CSMD1: variants seen among roughly 807,000 people sequenced by gnomAD.
CSMD1 encodes the protein CUB and sushi domain-containing protein 1.
In CSMD1, 213 loss-of-function variants were observed where a neutral mutation model predicts 417.5. That is an observed-to-expected ratio of 0.51 (90% CI 0.46 to 0.57). The LOEUF (loss-of-function observed/expected upper bound fraction) is 0.57, where lower values mean the gene tolerates loss of function less well. Among genes scored for constraint, CSMD1 ranks in the 20% least tolerant of loss-of-function variants. The pLI, the probability that CSMD1 is intolerant of heterozygous loss-of-function variation, is 0.00. For missense variants in CSMD1, 6,923 were observed against 4,529.7 expected (o/e 1.53, Z -15.17); for synonymous variants, 2,862 against 1,736.8 (o/e 1.65, Z -16.11).
Position 4,744,552 on chromosome 8 carries a change from C to G in CSMD1, c.86-106994G>C, listed in dbSNP as rs147478124. ...TACCTGTCTATATTTAGAGTAGCTA[C>G]CTCAATGATTTACAATTCACACAAA... On this transcript the variant is annotated intron_variant, in intron 1 of 69. Transcript: ENST00000635120. 3.6e-3 allele frequency among the ~76,000 whole-genome samples: 541 copies of G among 152,264 alleles called. 5 individuals carry two copies. The highest frequency in any genetic ancestry group is 0.011 in the African/African-American group (468 of 41,540).
At chr8:4,386,183 G>T (rs905912543) in intron 3 of CSMD1, among the ~76,000 whole-genome samples, 4 of 152,008 alleles carry the variant, frequency 2.6e-5, no homozygotes, top group African/African-American at 9.7e-5. Flanking sequence ...CACACTATCA[G>T]ACATTCTCCT....
chr8:3,374,935 G>C (rs1418450596), intron 18 of CSMD1, among the ~76,000 whole-genome samples: 1 of 152,192 alleles, frequency 6.6e-6, no homozygotes, highest in African/African-American at 2.4e-5. Context: ...AATTCAACAA[G>C]TTTATGGATG....
At chr8:4,929,284 C>T (rs958510825) in intron 1 of CSMD1, among the ~76,000 whole-genome samples, 1 of 152,156 alleles carries the variant, frequency 6.6e-6, no homozygotes, top group African/African-American at 2.4e-5. Context: ...TCGTTGTGGA[C>T]TTCCAGCCTC....
chr8:4,499,036 A>C (rs1408614950), intron 2 of CSMD1, among the ~76,000 whole-genome samples: 1 of 152,212 alleles, frequency 6.6e-6, no homozygotes, highest in Non-Finnish European at 1.5e-5. Flanking sequence ...AGAAATATCT[A>C]GTACAGATCT....
chr8:3,797,392 C>G lies in CSMD1; in HGVS notation c.819-43350G>C, dbSNP rs542101946. ...CCCGGATGCAGGCATAAAACATTTT[C>G]ATCAATATGGAAATTTCATTTTTCC... is the stretch of plus-strand genomic sequence containing the variant. On this transcript the variant is annotated intron_variant, in intron 5 of 69. Coordinates refer to ENST00000635120, the MANE Select transcript of CSMD1 (RefSeq NM_033225.6). Among the ~76,000 whole-genome samples, 40 of 152,060 alleles carry G rather than the reference C, an allele frequency of 2.6e-4. 1 individual carries two copies. The South Asian group carries it at 7.7e-3, about 29-fold the overall frequency.
chr8:4,466,884 T>G (rs767919751), intron 2 of CSMD1, among the ~76,000 whole-genome samples: 3 of 151,886 alleles, frequency 2.0e-5, no homozygotes, highest in African/African-American at 7.2e-5. Context: ...CTAAGGTTAT[T>G]TTTAATTATA....
chr8:2,991,241 ACTT>A (rs1326405064), intron 54 of CSMD1, among the ~76,000 whole-genome samples: 1 of 152,210 alleles, frequency 6.6e-6, no homozygotes, highest in Non-Finnish European at 1.5e-5. Flanking sequence ...ATGCTAAAAT[ACTT>A]CTTAATACAC....
intron 1 of CSMD1, among the ~76,000 whole-genome samples, chr8:4,989,766 C>T (rs1811367131): frequency 1.3e-5 from 2 of 152,200 alleles, no homozygotes; most frequent in Non-Finnish European, 2.9e-5. Flanking sequence ...ATTTTGACAG[C>T]TTAGAAACGT....
intron 3 of CSMD1, among the ~76,000 whole-genome samples, chr8:4,313,094 AAC>A: frequency 6.6e-6 from 1 of 152,156 alleles, no homozygotes; most frequent in Non-Finnish European, 1.5e-5. Context: ...CTAATATAGA[AAC>A]ACAACATTCT....
intron 1 of CSMD1, among the ~76,000 whole-genome samples, chr8:4,907,954 G>T (rs940290176): frequency 2.6e-4 from 39 of 152,124 alleles, no homozygotes; most frequent in African/African-American, 9.2e-4. Flanking sequence ...ATAAAAGTAA[G>T]GTTATGACTC....
At chr8:3,389,641 T>G (rs1288987354) in intron 17 of CSMD1, among the ~76,000 whole-genome samples, 1 of 43,686 alleles carries the variant, frequency 2.3e-5, no homozygotes, top group Non-Finnish European at 4.4e-5. Context: ...TATTAATGGT[T>G]TTAATAAGTG....
intron 10 of CSMD1, among the ~76,000 whole-genome samples, chr8:3,537,895 T>A (rs1798270371): frequency 6.6e-6 from 1 of 152,222 alleles, no homozygotes; most frequent in South Asian, 2.1e-4. Context: ...TTGTTGATGT[T>A]CCTTTTACTT....
chr8:3,398,677 A>T (rs1585105448), intron 16 of CSMD1, among the ~76,000 whole-genome samples: 1 of 152,248 alleles, frequency 6.6e-6, no homozygotes, highest in East Asian at 1.9e-4. Context: ...TTCAACAAAG[A>T]TGCCTCCCTA....
chr8:3,663,711 C>A (rs1020989572), intron 7 of CSMD1, among the ~76,000 whole-genome samples: 5 of 152,312 alleles, frequency 3.3e-5, no homozygotes, highest in Admixed American at 2.0e-4. Context: ...TCCAGCCGTT[C>A]TGCCCGCCTT....
chr8:4,067,512 T>C (rs1048070238), intron 3 of CSMD1, among the ~76,000 whole-genome samples: 19 of 152,278 alleles, frequency 1.2e-4, no homozygotes, highest in African/African-American at 4.1e-4. Context: ...AATTTTTAAA[T>C]GCATTTAACT....
intron 2 of CSMD1, among the ~76,000 whole-genome samples, chr8:4,515,498 A>G (rs1166643890): frequency 6.6e-6 from 1 of 152,216 alleles, no homozygotes; most frequent in Non-Finnish European, 1.5e-5. Context: ...ATGAGCTTAA[A>G]GAAATACACG....
chr8:3,489,439 G>A (rs1377812440), intron 11 of CSMD1, among the ~76,000 whole-genome samples: 2 of 152,126 alleles, frequency 1.3e-5, no homozygotes, highest in Non-Finnish European at 2.9e-5. Context: ...GGTTACCAAT[G>A]GCTAATAGCT....
chr8:4,949,647 C>T (rs1196323592), intron 1 of CSMD1, among the ~76,000 whole-genome samples: 2 of 152,144 alleles, frequency 1.3e-5, no homozygotes, highest in Non-Finnish European at 2.9e-5. Context: ...TCTGACCCCA[C>T]ATGGCAATAG....
chr8:3,933,397 G>C (rs1398163162), intron 5 of CSMD1, among the ~76,000 whole-genome samples: 2 of 152,144 alleles, frequency 1.3e-5, no homozygotes, highest in Admixed American at 6.5e-5. Flanking sequence ...AAATAAATGA[G>C]TCTATCAGGA....
Sources: allele counts gnomAD v4.1 joint callset (sites outside exome capture counted in the v4.1 genomes callset), GRCh38; gene constraint gnomAD v4.1.1; transcripts MANE v1.5; gene names NCBI Gene and HGNC (gene_info 2026-07-23, HGNC 2026-07-21).